Variants in MAP3K9 observed in about 807,000 individuals in gnomAD.
MAP3K9 encodes mitogen-activated protein kinase kinase kinase 9.
Under a neutral mutation model 95.8 loss-of-function variants are expected in MAP3K9, and 46 were observed. The observed-to-expected ratio is 0.48, with a 90% CI of 0.38 to 0.61. The LOEUF is 0.61. Among genes scored for constraint, MAP3K9 ranks in the 20% least tolerant of loss-of-function variants. The probability of loss-of-function intolerance (pLI) is 0.00; values close to 1 mark genes in which losing one functional copy is unlikely to be tolerated. For synonymous variants in MAP3K9, 533 were observed against 593.8 expected (o/e 0.90, Z 1.49); for missense variants, 1,296 against 1,474.3 (o/e 0.88, Z 1.98).
chr14:70,799,370 C>T (rs779252747), intron 2 of MAP3K9, among the ~76,000 whole-genome samples: 4 of 152,006 alleles, frequency 2.6e-5, no homozygotes, highest in Non-Finnish European at 5.9e-5. Context: ...GATGGAGTCT[C>T]GCTCTGTCAC....
chr14:70,732,276 A>C (rs752017985), intron 11 of MAP3K9, among the ~76,000 whole-genome samples: 1 of 152,070 alleles, frequency 6.6e-6, no homozygotes, highest in African/African-American at 2.4e-5. Context: ...GGACATTCCA[A>C]AGGAGTCCCA....
intron 2 of MAP3K9, among the ~76,000 whole-genome samples, chr14:70,784,240 G>A (rs900046361): frequency 4.0e-5 from 6 of 151,714 alleles, no homozygotes; most frequent in African/African-American, 1.2e-4. Context: ...CTGAGATCGC[G>A]CCACTGCACT....
chr14:70,732,926 G>C lies in MAP3K9; in HGVS notation c.2443C>G (p.Leu815Val). 4 of 1,614,042 alleles carry C rather than the reference G, an allele frequency of 2.5e-6. No homozygotes were observed. In the South Asian group the frequency reaches 4.4e-5, roughly 18 times the overall value. The change falls in exon 11 of 12, where the codon CTT becomes GTT. Residue 815 changes from leucine to valine, a missense_variant. Around this residue, in one of 5 missense-constraint regions of MAP3K9, gnomAD observed 433 missense variants for 441.4 expected, o/e 0.98. Transcript: ENST00000554752. ...RRSTSPPSRK[L>V]FKKEEPMLLL... ...AGCATGGGCTCCTCCTTCTTGAAAA[G>C]CTTTCGGGATGGGGGGCTGGTGCTC... is the stretch of plus-strand genomic sequence containing the variant.
At chr14:70,735,007 C>G (rs183385178) in intron 9 of MAP3K9, among the ~76,000 whole-genome samples, 2 of 152,248 alleles carry the variant, frequency 1.3e-5, no homozygotes, top group Non-Finnish European at 2.9e-5. Context: ...GCTTAGGCAA[C>G]TTTCAAAGCC....
In MAP3K9 at chr14:70,800,833, C is replaced by A; in HGVS notation, c.654G>T (p.Leu218Phe). Reference sequence around the variant, plus strand: ...GTCCTCCACGAGCAAACTCCATGACCAAGCAGAGGTTGGGCTCCTTCAGAC... The same window carrying A: ...GTCCTCCACGAGCAAACTCCATGACAAAGCAGAGGTTGGGCTCCTTCAGAC... ...GVCLKEPNLC[L>F]VMEFARGGPL... is the part of the protein sequence containing the mutation. The change falls in exon 2 of 12, where the codon TTG (leucine) becomes TTT (phenylalanine). Residue 218 changes from leucine (L) to phenylalanine (F), a missense_variant. Coordinates refer to ENST00000554752, the MANE Select transcript of MAP3K9 (RefSeq NM_001284230.2). 6.2e-7 allele frequency: 1 copy of A among 1,614,168 alleles called. No homozygotes were observed. The highest frequency in any genetic ancestry group is 8.5e-7 in the Non-Finnish European group (1 of 1,180,038).
At chr14:70,758,153 G>A (rs972211433) in intron 3 of MAP3K9, among the ~76,000 whole-genome samples, 8 of 152,118 alleles carry the variant, frequency 5.3e-5, no homozygotes, top group African/African-American at 1.9e-4. Context: ...TATATCTGAT[G>A]AGAGAATAGA....
At chr14:70,735,004 C>T (rs2139710892) in intron 9 of MAP3K9, among the ~76,000 whole-genome samples, 1 of 152,352 alleles carries the variant, frequency 6.6e-6, no homozygotes, top group African/African-American at 2.4e-5. Context: ...CATGCTTAGG[C>T]AACTTTCAAA....
chr14:70,730,429 T>C lies in MAP3K9; in HGVS notation c.3266A>G (p.Asn1089Ser). The C allele has an allele frequency of 6.2e-7, 1 of 1,614,166 alleles. No homozygotes were observed. The highest frequency in any genetic ancestry group is 2.2e-5 in the East Asian group (1 of 44,876). ...STVPLCRAEL[N>S]THRPAPYEIQ... ...CTCATAAGGGGCAGGCCTGTGTGTG[T>C]TCAGTTCCGCTCTGCACAGCGGCAC... Residue 1089 changes from asparagine to serine, a missense_variant, in exon 12 of 12, where the codon AAC (asparagine) becomes AGC (serine). Coordinates refer to ENST00000554752, the MANE Select transcript of MAP3K9 (RefSeq NM_001284230.2).
intron 2 of MAP3K9, among the ~76,000 whole-genome samples, chr14:70,772,375 C>T (rs879709710): frequency 2.3e-4 from 35 of 152,098 alleles, no homozygotes; most frequent in Non-Finnish European, 4.0e-4. Flanking sequence ...TACAAAACAC[C>T]CCTCATAGAG....
At chr14:70,758,095 G>C (rs1227140529) in intron 3 of MAP3K9, among the ~76,000 whole-genome samples, 1 of 152,004 alleles carries the variant, frequency 6.6e-6, no homozygotes, top group African/African-American at 2.4e-5. Context: ...ACAGCCTTAA[G>C]AAAGTGGAAA....
At chr14:70,774,625 C>T (rs1043178450) in intron 2 of MAP3K9, among the ~76,000 whole-genome samples, 5 of 151,674 alleles carry the variant, frequency 3.3e-5, no homozygotes, top group African/African-American at 1.2e-4. Context: ...GCCAAGATCA[C>T]GCCACTGTAC....
At chr14:70,805,419 G>A (rs2054979663) in intron 1 of MAP3K9, among the ~76,000 whole-genome samples, 1 of 152,148 alleles carries the variant, frequency 6.6e-6, no homozygotes, top group South Asian at 2.1e-4. Context: ...AATGAGTTTG[G>A]AACTGTACAT....
At chr14:70,765,561 G>T (rs1434788688) in intron 2 of MAP3K9, 6 of 586,350 alleles carry the variant, frequency 1.0e-5, no homozygotes, top group Non-Finnish European at 6.2e-6. Context: ...ATACATTTAG[G>T]TACACAAAGT....
intron 2 of MAP3K9, among the ~76,000 whole-genome samples, chr14:70,792,109 A>C (rs561084056): frequency 1.3e-5 from 2 of 152,304 alleles, no homozygotes; most frequent in South Asian, 4.1e-4. Context: ...TTACGTATTT[A>C]TTTTGGCTTG....
Position 70,757,606 on chromosome 14 carries a change from C to T in MAP3K9, c.1001+3396G>A, listed in dbSNP as rs138086128. On this transcript the variant is annotated intron_variant, in intron 3 of 11. Coordinates refer to ENST00000554752, the MANE Select transcript of MAP3K9 (RefSeq NM_001284230.2). ...AAGGACTCAGAATGGCCAAAACAAT[C>T]TTCAAAGAGAAGAACAAAATTGGAA... is the stretch of plus-strand genomic sequence containing the variant. Among the ~76,000 whole-genome samples, 969 of 152,220 alleles carry T rather than the reference C, an allele frequency of 6.4e-3. 11 individuals are homozygous for T. Among genetic ancestry groups the T allele is most frequent in the African/African-American group, 0.021 (881 of 41,548 alleles).
intron 5 of MAP3K9, among the ~76,000 whole-genome samples, chr14:70,747,616 G>A (rs1319300260): frequency 1.3e-5 from 2 of 152,144 alleles, no homozygotes; most frequent in African/African-American, 4.8e-5. Flanking sequence ...TGTTACTTCA[G>A]GCAAGTTGCT....
chr14:70,791,438 G>A (rs2054806179), intron 2 of MAP3K9, among the ~76,000 whole-genome samples: 1 of 152,198 alleles, frequency 6.6e-6, no homozygotes, highest in African/African-American at 2.4e-5. Flanking sequence ...GAAGAGGCAG[G>A]CAGAACTCTA....
intron 2 of MAP3K9, among the ~76,000 whole-genome samples, chr14:70,773,933 T>C (rs1326445561): frequency 2.6e-5 from 4 of 152,226 alleles, no homozygotes; most frequent in African/African-American, 9.6e-5. Context: ...CAGAGTTCAA[T>C]TCCTACAAAA....
intron 5 of MAP3K9, among the ~76,000 whole-genome samples, chr14:70,743,791 G>C (rs2054108894): frequency 6.6e-6 from 1 of 152,230 alleles, no homozygotes; most frequent in Admixed American, 6.5e-5. Context: ...GTGGAAGACA[G>C]TGTGGCAACT....
Sources: gnomAD v4.1 joint callset for allele counts (sites outside exome capture counted in the v4.1 genomes callset) on GRCh38, gnomAD v4.1.1 for gene constraint, gnomAD v4.1.1 regional missense constraint, MANE v1.5 for transcripts, NCBI Gene and HGNC (gene_info 2026-07-23, HGNC 2026-07-21) for gene names.